Variants in ARMC3 observed in about 807,000 individuals in gnomAD.
ARMC3 encodes armadillo repeat containing 3, also known as armadillo repeat-containing protein 3.
Under a neutral mutation model 90.3 loss-of-function variants are expected in ARMC3, and 74 were observed. The ratio of observed to expected loss-of-function variants is 0.82; its 90% CI spans 0.68 to 0.99. The LOEUF is 0.99. ARMC3 is among the 50% of genes least tolerant of loss of function. The probability of loss-of-function intolerance (pLI) is 0.00; values close to 1 mark genes in which losing one functional copy is unlikely to be tolerated. For missense variants in ARMC3, 958 were observed against 1,042.8 expected (o/e 0.92, Z 1.12); for synonymous variants, 334 against 361.8 (o/e 0.92, Z 0.87).
chr10:22,935,493 A>G (rs1834073698), intron 2 of ARMC3, among the ~76,000 whole-genome samples: 1 of 152,230 alleles, frequency 6.6e-6, no homozygotes, highest in African/African-American at 2.4e-5. Flanking sequence ...ACATAAAAAT[A>G]TTCTAGAAGC....
At chr10:22,996,928 T>C (rs1030150189) in intron 10 of ARMC3, among the ~76,000 whole-genome samples, 2 of 152,090 alleles carry the variant, frequency 1.3e-5, no homozygotes, top group African/African-American at 4.8e-5. Flanking sequence ...TCAGTTGTTT[T>C]TTTTTTTAAT....
At chr10:22,946,847 C>A (rs1039397190) in intron 3 of ARMC3, among the ~76,000 whole-genome samples, 1 of 152,084 alleles carries the variant, frequency 6.6e-6, no homozygotes, top group Non-Finnish European at 1.5e-5. Flanking sequence ...CAAACACTAC[C>A]GCAGCTAGGT....
intron 8 of ARMC3, among the ~76,000 whole-genome samples, chr10:22,979,689 T>C (rs1836100428): frequency 1.3e-5 from 2 of 152,162 alleles, no homozygotes; most frequent in South Asian, 4.1e-4. Context: ...ATATTACTTA[T>C]TCAGTGAAAA....
chr10:22,984,168 C>T (rs1588879123), intron 10 of ARMC3, among the ~76,000 whole-genome samples: 1 of 152,144 alleles, frequency 6.6e-6, no homozygotes, highest in Non-Finnish European at 1.5e-5. Flanking sequence ...ATACTAATTT[C>T]GTGTAGTTAA....
chr10:22,983,664 TG>T (rs149190684), intron 10 of ARMC3, among the ~76,000 whole-genome samples: 2 of 152,324 alleles, frequency 1.3e-5, no homozygotes, highest in East Asian at 3.9e-4. Context: ...ATATTGAAGA[TG>T]AATGCTTTTG....
chr10:22,976,492 C>T (rs1015680648), intron 8 of ARMC3, among the ~76,000 whole-genome samples: 1 of 152,148 alleles, frequency 6.6e-6, no homozygotes, highest in African/African-American at 2.4e-5. Context: ...CTCTTTTATT[C>T]CATCGTTTTC....
chr10:23,028,353 A>G (rs940681239), intron 16 of ARMC3, among the ~76,000 whole-genome samples: 1 of 116,384 alleles, frequency 8.6e-6, no homozygotes, highest in Middle Eastern at 4.5e-3. Flanking sequence ...ATTTATTTCT[A>G]AGATTTTTAT....
chr10:22,946,163 A>T lies in ARMC3; in HGVS notation c.68A>T (p.Glu23Val), dbSNP rs1481907303. Residue 23 changes from glutamate to valine, a missense_variant, in exon 3 of 19, where the codon GAA becomes GTA. By Grantham distance (121) the Glu-to-Val change is moderately radical (BLOSUM62 -2). Transcript: ENST00000298032. ...PKDVFDPLMI[E>V]SKKAATVVLM... is the part of the protein sequence containing the mutation. ...TTTCAGTTTGACCCATTAATGATTG[A>T]AAGCAAAAAAGCAGCAACTGTGGTG... 1.9e-6 allele frequency: 3 copies of T among 1,611,498 alleles called. No individual in the cohort carries two copies. The highest frequency in any genetic ancestry group is 2.7e-5 in the African/African-American group (2 of 74,978).
At chr10:22,935,760 T>C (rs951588910) in intron 2 of ARMC3, among the ~76,000 whole-genome samples, 2 of 152,170 alleles carry the variant, frequency 1.3e-5, no homozygotes, top group Admixed American at 1.3e-4. Flanking sequence ...ACTCCAAAAG[T>C]TTGCTACTTT....
intron 1 of ARMC3, among the ~76,000 whole-genome samples, chr10:22,931,069 A>G (rs1352969637): frequency 6.6e-6 from 1 of 152,080 alleles, no homozygotes; most frequent in Non-Finnish European, 1.5e-5. Context: ...CTGGGACTAC[A>G]AGGCACGTGC....
chr10:23,024,436 A>AGATG (rs1838634867), intron 16 of ARMC3, among the ~76,000 whole-genome samples: 1 of 151,856 alleles, frequency 6.6e-6, no homozygotes, highest in Non-Finnish European at 1.5e-5. Context: ...ATAGATAGAT[A>AGATG]CCTCCATGCA....
intron 18 of ARMC3, among the ~76,000 whole-genome samples, chr10:23,036,921 A>AG (rs1397358668): frequency 2.6e-5 from 4 of 152,330 alleles, no homozygotes; most frequent in African/African-American, 4.8e-5. Flanking sequence ...TTTCACAGCC[A>AG]GGGAGAGCCC....
At chr10:22,932,090 T>C in intron 2 of ARMC3, 46 bp downstream of exon 2, 1 of 1,518,056 alleles carries the variant, frequency 6.6e-7, no homozygotes, top group Non-Finnish European at 9.0e-7. Context: ...CAACCAGTTA[T>C]AAAAATAAAT....
At chr10:23,030,478 T>C in intron 16 of ARMC3, 118 bp from the exon 17 acceptor site, 2 of 1,462,860 alleles carry the variant, frequency 1.4e-6, no homozygotes, top group Non-Finnish European at 1.8e-6. Context: ...TTCAATCTCA[T>C]GTTGCTCAAG....
intron 2 of ARMC3, among the ~76,000 whole-genome samples, chr10:22,944,132 G>A (rs139922299): frequency 5.6e-4 from 85 of 152,154 alleles, no homozygotes; most frequent in African/African-American, 1.7e-3. Flanking sequence ...GTTTGTGAAC[G>A]CCTGAACATC....
At chr10:23,004,719 A>G (rs922610965) in intron 13 of ARMC3, among the ~76,000 whole-genome samples, 3 of 152,200 alleles carry the variant, frequency 2.0e-5, no homozygotes, top group African/African-American at 7.2e-5. Context: ...GTAGTGGAGA[A>G]CTAGAGAAAA....
At chr10:22,987,242 C>G (rs1294786605) in intron 10 of ARMC3, among the ~76,000 whole-genome samples, 1 of 152,134 alleles carries the variant, frequency 6.6e-6, no homozygotes, top group Non-Finnish European at 1.5e-5. Context: ...TTAATCATAT[C>G]AAAGTTCCAT....
chr10:23,002,131 G>A lies in ARMC3; in HGVS notation c.1562+76G>A, dbSNP rs754710423. ...GAGAGGCACACTCTTTAGGCCCAAG[G>A]AATTTCAAGCCAAGTCTCCGCTGCT... On this transcript the variant is annotated intron_variant, in intron 12 of 18. Transcript: ENST00000298032. 1.5e-4 allele frequency: 234 copies of A among 1,532,096 alleles called. 1 individual carries two copies. Among genetic ancestry groups the A allele is most frequent in the Non-Finnish European group, 1.9e-4 (220 of 1,138,868 alleles). 94.9% of individuals were successfully genotyped at this position (1,532,096 alleles called of 1,614,324 possible).
intron 10 of ARMC3, among the ~76,000 whole-genome samples, chr10:22,982,875 T>C (rs1301555168): frequency 6.6e-6 from 1 of 152,184 alleles, no homozygotes; most frequent in Non-Finnish European, 1.5e-5. Flanking sequence ...CTTTCTATTC[T>C]CCCACACAAA....
Sources: gnomAD v4.1 joint callset for allele counts (sites outside exome capture counted in the v4.1 genomes callset) on GRCh38, gnomAD v4.1.1 for gene constraint, MANE v1.5 for transcripts, NCBI Gene and HGNC (gene_info 2026-07-23, HGNC 2026-07-21) for gene names.